Variants in ITPKB observed in about 807,000 individuals in gnomAD.
ITPKB encodes the protein IP3 3-kinase B.
ITPKB carries 13 observed loss-of-function variants against 69.4 expected under a neutral mutation model. The observed-to-expected ratio is 0.19, with a 90% CI of 0.12 to 0.30. ITPKB has a LOEUF of 0.30. Ranked by LOEUF, ITPKB falls within the 10% of genes least tolerant of loss-of-function variation. ITPKB has a pLI of 1.00. For missense variants in ITPKB, 1,240 were observed against 1,250.5 expected, an observed-to-expected ratio of 0.99 and a Z score of 0.13; for synonymous variants, 584 against 513.7, an observed-to-expected ratio of 1.14 and a Z score of -1.85.
intron 2 of ITPKB, among the ~76,000 whole-genome samples, chr1:226,722,049 G>A (rs1657259612): frequency 1.3e-5 from 2 of 151,986 alleles, no homozygotes; most frequent in Non-Finnish European, 2.9e-5. Context: ...CTGACCTCAG[G>A]TAATCCACCC....
rs1183650538 is a variant in ITPKB, at chr1:226,665,212, CCT to C, written c.1933-16443_1933-16442del. ...CACTTAAGATGGGACCTTCTCTTCC[CCT>C]GTCACTGGGTCCCGCTGACACAGGT... On this transcript the variant is annotated intron_variant, in intron 2 of 7. Transcript: ENST00000429204. Among the ~76,000 whole-genome samples the C allele has an allele frequency of 3.3e-5, 5 of 152,222 alleles. No homozygotes were observed. In the East Asian group the frequency reaches 5.8e-4, roughly 18 times the overall value.
chr1:226,692,245 G>A (rs1373203959), intron 2 of ITPKB, among the ~76,000 whole-genome samples: 1 of 152,008 alleles, frequency 6.6e-6, no homozygotes, highest in Admixed American at 6.6e-5. Context: ...TCAAAATCAT[G>A]TGGGTTTTTT....
rs144371228 is a variant in ITPKB, at chr1:226,702,574, C to G, written c.1932+32953G>C. Among the ~76,000 whole-genome samples the G allele has an allele frequency of 2.4e-4, 36 of 152,268 alleles. No individual in the cohort carries two copies. In the East Asian group the frequency reaches 6.4e-3, roughly 27 times the overall value. ...GGCACTAGGCCTAGAGAGAGATGAC[C>G]AAAATTGACTACGCTTGCACAGTAA... is the stretch of plus-strand genomic sequence containing the variant. On this transcript the variant is annotated intron_variant, in intron 2 of 7. Coordinates refer to ENST00000429204, the MANE Select transcript of ITPKB (RefSeq NM_002221.4).
intron 2 of ITPKB, among the ~76,000 whole-genome samples, chr1:226,673,933 A>G (rs1669673815): frequency 6.6e-6 from 1 of 152,108 alleles, no homozygotes; most frequent in African/African-American, 2.4e-5. Flanking sequence ...CAAACACACA[A>G]ATGGGGGCCT....
chr1:226,724,995 T>C (rs1006048534), intron 2 of ITPKB, among the ~76,000 whole-genome samples: 5 of 152,208 alleles, frequency 3.3e-5, no homozygotes, highest in African/African-American at 1.2e-4. Flanking sequence ...CTCAAGACCT[T>C]TACCCCAGAC....
intron 2 of ITPKB, among the ~76,000 whole-genome samples, chr1:226,671,516 G>C (rs868529617): frequency 2.0e-5 from 3 of 152,212 alleles, no homozygotes; most frequent in African/African-American, 7.2e-5. Flanking sequence ...ATTTAGCAGT[G>C]AACACAACGA....
At chr1:226,717,489 G>A (rs981232735) in intron 2 of ITPKB, among the ~76,000 whole-genome samples, 2 of 152,182 alleles carry the variant, frequency 1.3e-5, no homozygotes, top group Non-Finnish European at 2.9e-5. Context: ...GTGGCGGAAA[G>A]GAAGCCTCAC....
chr1:226,723,041 G>A (rs1657292404), intron 2 of ITPKB, among the ~76,000 whole-genome samples: 1 of 152,078 alleles, frequency 6.6e-6, no homozygotes, highest in African/African-American at 2.4e-5. Flanking sequence ...AGGATGCCCA[G>A]GGCTGTGGTG....
chr1:226,641,081 G>T lies in ITPKB; in HGVS notation c.2451+840C>A, dbSNP rs1293702437. 6.6e-6 allele frequency among the ~76,000 whole-genome samples: 1 copy of T among 152,206 alleles called. No individual in the cohort carries two copies. The highest frequency in any genetic ancestry group is 2.4e-5 in the African/African-American group (1 of 41,442). ...AGGGACAGCTTCTGAGACCCTGAGG[G>T]GCCGGCGCCCCAAAGCCCGGCTCTT... On this transcript the variant is annotated intron_variant, in intron 5 of 7. Coordinates refer to ENST00000429204, the MANE Select transcript of ITPKB (RefSeq NM_002221.4). This position sits in a 1 kb window ranked among gnomAD's most constrained non-coding sequence, Gnocchi z 4.6.
In ITPKB at chr1:226,664,028, C is replaced by T. The variant is rs189162952; in HGVS notation, c.1933-15257G>A. Among the ~76,000 whole-genome samples the T allele has an allele frequency of 6.9e-4, 105 of 152,322 alleles. No individual in the cohort carries two copies. In the Middle Eastern group the frequency reaches 0.01, roughly 15 times the overall value. On this transcript the variant is annotated intron_variant, in intron 2 of 7. Coordinates refer to ENST00000429204, the MANE Select transcript of ITPKB (RefSeq NM_002221.4). ...AACAGAGCATCGACATCCGTAGAGG[C>T]TGGTCCAGTTTTCTATCTAAGAGAT...
At chr1:226,672,993 C>T (rs1669648314) in intron 2 of ITPKB, among the ~76,000 whole-genome samples, 1 of 152,228 alleles carries the variant, frequency 6.6e-6, no homozygotes, top group African/African-American at 2.4e-5. Flanking sequence ...CCCTTCCCAA[C>T]CAGAATCCTG....
rs1454381691 is a variant in ITPKB at position 226,736,790 on chromosome 1, G to A, written c.669C>T (p.Pro223=). 1.2e-6 allele frequency: 2 copies of A among 1,612,962 alleles called. No homozygotes were observed. Among genetic ancestry groups the A allele is most frequent in the Non-Finnish European group, 1.7e-6 (2 of 1,180,026 alleles). The part of the protein sequence containing the change: ...SGTDSGRKGG[P]SLCSSQVKKG... ...TCTTCACCTGCGAGGAGCATAGGCT[G>A]GGCCCTCCTTTCCTCCCGGAGTCGG... Residue 223 remains proline, a synonymous_variant, in exon 2 of 8, where the codon CCC becomes CCT. Transcript: ENST00000429204.
chr1:226,662,784 T>C (rs1367978443), intron 2 of ITPKB, among the ~76,000 whole-genome samples: 1 of 152,230 alleles, frequency 6.6e-6, no homozygotes, highest in Non-Finnish European at 1.5e-5. Flanking sequence ...TCTGACAGAT[T>C]ATGCTGATGT....
At chr1:226,720,788 A>C (rs915638242) in intron 2 of ITPKB, among the ~76,000 whole-genome samples, 23 of 151,894 alleles carry the variant, frequency 1.5e-4, no homozygotes, top group African/African-American at 5.3e-4. Flanking sequence ...GTGGTGGCTC[A>C]TGCCTATAAT....
chr1:226,723,364 G>A (rs1466308006), intron 2 of ITPKB, among the ~76,000 whole-genome samples: 4 of 152,148 alleles, frequency 2.6e-5, no homozygotes, highest in Non-Finnish European at 4.4e-5. Context: ...GAATGGACAC[G>A]TGACGGGCCT....
At chr1:226,718,843 C>T (rs1440699104) in intron 2 of ITPKB, among the ~76,000 whole-genome samples, 8 of 152,186 alleles carry the variant, frequency 5.3e-5, no homozygotes, top group East Asian at 1.9e-4. Context: ...AACTACTGTA[C>T]GACCCAGCAA....
At chr1:226,639,730 C>A in intron 5 of ITPKB, 72 bp from the exon 6 acceptor site, 1 of 1,007,166 alleles carries the variant, frequency 9.9e-7, no homozygotes, top group East Asian at 2.4e-5. Flanking sequence ...CTCACCCACC[C>A]AACACCACAG....
intron 2 of ITPKB, among the ~76,000 whole-genome samples, chr1:226,727,195 C>T (rs1404053148): frequency 6.6e-6 from 1 of 152,198 alleles, no homozygotes; most frequent in East Asian, 1.9e-4. Context: ...AAGCATTATA[C>T]CTCATGCATA....
At chr1:226,636,532 T>C (rs1668839665) in intron 7 of ITPKB, among the ~76,000 whole-genome samples, 1 of 152,224 alleles carries the variant, frequency 6.6e-6, no homozygotes, top group Non-Finnish European at 1.5e-5. Context: ...GCCTCAGGGC[T>C]GACCCTATGA....
Sources: allele counts gnomAD v4.1 joint callset (sites outside exome capture counted in the v4.1 genomes callset), GRCh38; gene constraint gnomAD v4.1.1; non-coding constraint Gnocchi (gnomAD v3.1); transcripts MANE v1.5; gene names NCBI Gene and HGNC (gene_info 2026-07-23, HGNC 2026-07-21).